Variants in PCNX2 observed in about 807,000 individuals in gnomAD.
PCNX2 encodes the protein pecanex-like protein 2.
A neutral mutation model predicts 223.8 loss-of-function variants in PCNX2; 168 were observed. The observed-to-expected ratio is 0.75, with a 90% CI of 0.66 to 0.85. The LOEUF is 0.85. PCNX2 is among the 40% of genes least tolerant of loss of function. The pLI, the probability that PCNX2 is intolerant of heterozygous loss-of-function variation, is 0.00. For missense variants in PCNX2, 2,507 were observed against 2,675.5 expected (o/e 0.94, Z 1.39); for synonymous variants, 1,006 against 1,052.6 (o/e 0.96, Z 0.86).
chr1:233,259,640 C>A (rs976655195), intron 4 of PCNX2, among the ~76,000 whole-genome samples: 1 of 152,020 alleles, frequency 6.6e-6, no homozygotes, highest in South Asian at 2.1e-4. Context: ...CCACCTCTGA[C>A]AGGCCCCAGT....
At chr1:233,097,340 T>C (rs1198693627) in intron 21 of PCNX2, among the ~76,000 whole-genome samples, 1 of 143,164 alleles carries the variant, frequency 7.0e-6, no homozygotes, top group Admixed American at 6.9e-5. Flanking sequence ...AAAGGGAGGA[T>C]TAAAAAAAAA....
intron 23 of PCNX2, among the ~76,000 whole-genome samples, chr1:233,074,271 T>C (rs1408264377): frequency 6.6e-6 from 1 of 152,192 alleles, no homozygotes; most frequent in Non-Finnish European, 1.5e-5. Flanking sequence ...AATGTGTACC[T>C]AAAAAACTTT....
chr1:233,099,789 G>T (rs2102955651), intron 21 of PCNX2, among the ~76,000 whole-genome samples: 1 of 152,302 alleles, frequency 6.6e-6, no homozygotes. Flanking sequence ...TGGCCATTGT[G>T]TATAAAATAA....
intron 28 of PCNX2, among the ~76,000 whole-genome samples, chr1:233,008,114 G>A (rs1670348578): frequency 6.6e-6 from 1 of 152,068 alleles, no homozygotes; most frequent in Non-Finnish European, 1.5e-5. Flanking sequence ...CTCCTAATTG[G>A]TATGTATACC....
At chr1:233,214,128 C>T (rs999806974) in intron 12 of PCNX2, among the ~76,000 whole-genome samples, 1 of 151,968 alleles carries the variant, frequency 6.6e-6, no homozygotes. Context: ...TGCCTGGCCA[C>T]CCAGTGCACT....
chr1:233,256,841 T>C (rs1381038969), intron 5 of PCNX2, among the ~76,000 whole-genome samples: 1 of 152,088 alleles, frequency 6.6e-6, no homozygotes, highest in Admixed American at 6.6e-5. Flanking sequence ...TCAGAAAAAA[T>C]TGCTCAGAGC....
rs1395038724 is a variant in PCNX2 at position 232,990,372 on chromosome 1, G to A, written c.5792-3832C>T. 1.3e-5 allele frequency among the ~76,000 whole-genome samples: 2 copies of A among 152,210 alleles called. No individual in the cohort carries two copies. Among genetic ancestry groups the A allele is most frequent in the African/African-American group, 4.8e-5 (2 of 41,448 alleles). ...TCCCGGTCGCAGTCAGTGCTAGAGA[G>A]CCTTCTGGATAGTTGAATCACATCT... is the stretch of plus-strand genomic sequence containing the variant. On this transcript the variant is annotated intron_variant, in intron 32 of 33. Transcript: ENST00000258229. The surrounding 1 kb of genome is among the most constrained non-coding windows in gnomAD (Gnocchi z 4.3).
intron 17 of PCNX2, among the ~76,000 whole-genome samples, chr1:233,168,039 T>C (rs1189855409): frequency 6.6e-6 from 1 of 152,022 alleles, no homozygotes; most frequent in Non-Finnish European, 1.5e-5. Flanking sequence ...AAAACAAGAG[T>C]TTAAGTATCT....
At chr1:233,119,636 T>G (rs1161124235) in intron 21 of PCNX2, among the ~76,000 whole-genome samples, 1 of 142,186 alleles carries the variant, frequency 7.0e-6, no homozygotes, top group East Asian at 2.1e-4. Context: ...AACGAAAAAA[T>G]GGCTTAGGAA....
intron 23 of PCNX2, among the ~76,000 whole-genome samples, chr1:233,081,086 T>C (rs1673336789): frequency 6.6e-6 from 1 of 152,158 alleles, no homozygotes; most frequent in Non-Finnish European, 1.5e-5. Context: ...TGGTGGCTCA[T>C]GCCTGTAATT....
At chr1:233,234,013 A>G (rs1443503231) in intron 9 of PCNX2, among the ~76,000 whole-genome samples, 1 of 151,964 alleles carries the variant, frequency 6.6e-6, no homozygotes, top group East Asian at 1.9e-4. Context: ...CCTGGCCTGG[A>G]GCTTTTCCTG....
Position 233,263,076 on chromosome 1 carries a change from G to A in PCNX2, c.241C>T (p.Leu81=), listed in dbSNP as rs1379316306. The change falls in exon 2 of 34, where the codon CTA becomes TTA. Residue 81 remains leucine (L), a synonymous_variant. Transcript: ENST00000258229. The stretch of plus-strand genomic sequence containing the variant: ...TCTCCTTTGTCAAACATGAGGTGTA[G>A]GCGATAACTGACCAGTTTGATTATT... The part of the protein sequence containing the change: ...FTIIKLVSYR[L]HLMFDKGEVI... 1 of 1,613,466 alleles carries A rather than the reference G, an allele frequency of 6.2e-7. No homozygotes were observed. The highest frequency in any genetic ancestry group is 2.2e-5 in the East Asian group (1 of 44,824).
chr1:233,055,405 G>A (rs1413162229), intron 24 of PCNX2, among the ~76,000 whole-genome samples: 4 of 152,150 alleles, frequency 2.6e-5, no homozygotes, highest in African/African-American at 4.8e-5. Context: ...CTTGCTTCCC[G>A]GTGGACAGCC....
intron 22 of PCNX2, among the ~76,000 whole-genome samples, chr1:233,094,434 T>G (rs1490408422): frequency 6.6e-6 from 1 of 152,178 alleles, no homozygotes; most frequent in Non-Finnish European, 1.5e-5. Flanking sequence ...TTTGCAAACA[T>G]GTATATAATT....
At chr1:232,996,668 A>G (rs1669885548) in intron 32 of PCNX2, among the ~76,000 whole-genome samples, 1 of 152,180 alleles carries the variant, frequency 6.6e-6, no homozygotes, top group South Asian at 2.1e-4. Context: ...TGGAAGGAAA[A>G]TAAAATCTCC....
At chr1:233,220,996 G>C (rs1186896869) in intron 10 of PCNX2, among the ~76,000 whole-genome samples, 1 of 152,200 alleles carries the variant, frequency 6.6e-6, no homozygotes, top group Admixed American at 6.5e-5. Flanking sequence ...TGGGGCTGCC[G>C]AGAGGCATAG....
intron 13 of PCNX2, among the ~76,000 whole-genome samples, chr1:233,206,265 T>C (rs1423360413): frequency 3.3e-5 from 5 of 152,094 alleles, no homozygotes; most frequent in African/African-American, 9.7e-5. Context: ...CAATCGTTTC[T>C]TGGACATCTT....
chr1:233,059,134 T>C (rs1443547016), intron 23 of PCNX2, among the ~76,000 whole-genome samples: 7 of 152,152 alleles, frequency 4.6e-5, no homozygotes, highest in Non-Finnish European at 1.0e-4. Flanking sequence ...TTCCCACTCA[T>C]TTTTCCTCAT....
chr1:233,010,732 T>C (rs1228220461), intron 28 of PCNX2, among the ~76,000 whole-genome samples: 2 of 152,240 alleles, frequency 1.3e-5, no homozygotes, highest in Non-Finnish European at 1.5e-5. Flanking sequence ...TATGAACCCA[T>C]TCCATCTCCA....
Sources: gnomAD v4.1 joint callset for allele counts (sites outside exome capture counted in the v4.1 genomes callset) on GRCh38, gnomAD v4.1.1 for gene constraint, Gnocchi (gnomAD v3.1) non-coding constraint, MANE v1.5 for transcripts, NCBI Gene and HGNC (gene_info 2026-07-23, HGNC 2026-07-21) for gene names.